Variants in CDH12 observed in about 807,000 individuals in gnomAD.
CDH12 encodes the protein cadherin 12.
In CDH12, 41 loss-of-function variants were observed where a neutral mutation model predicts 74.1. The observed-to-expected ratio is 0.55, with a 90% CI of 0.43 to 0.72. The LOEUF (loss-of-function observed/expected upper bound fraction) is 0.72. Among genes scored for constraint, CDH12 ranks in the 30% least tolerant of loss-of-function variants. The probability of loss-of-function intolerance (pLI) is 0.00; values close to 1 mark genes in which losing one functional copy is unlikely to be tolerated. For synonymous variants in CDH12, 399 were observed against 355.0 expected (o/e 1.12, Z -1.39); for missense variants, 945 against 977.2 (o/e 0.97, Z 0.44).
rs187110976 is a variant in CDH12 at position 22,792,157 on chromosome 5, C to T, written c.-523+60901G>A. Reference sequence around the variant, plus strand: ...GGGCTGGAGTGCAGTCGCATAATCTCGGCTCACTGTGACCTCCGCCTCCTG... The same window carrying T: ...GGGCTGGAGTGCAGTCGCATAATCTTGGCTCACTGTGACCTCCGCCTCCTG... On this transcript the variant is annotated intron_variant, in intron 1 of 14. Transcript: ENST00000382254. 6.8e-4 allele frequency among the ~76,000 whole-genome samples: 100 copies of T among 146,304 alleles called. 1 individual carries two copies. Among genetic ancestry groups the T allele is most frequent in the Admixed American group, 1.4e-3 (20 of 14,356 alleles).
chr5:21,806,522 C>T (rs1481389720), intron 9 of CDH12, among the ~76,000 whole-genome samples: 3 of 152,178 alleles, frequency 2.0e-5, no homozygotes, highest in Non-Finnish European at 2.9e-5. Flanking sequence ...TTTGTCCATG[C>T]TCTGGGCCAC....
chr5:21,979,388 T>C (rs537808906), intron 5 of CDH12, among the ~76,000 whole-genome samples: 1,745 of 152,226 alleles, frequency 0.011, 31 homozygotes, highest in African/African-American at 0.039. Context: ...TTTCTGGTGT[T>C]TTCCAAGTCA....
At chr5:21,832,336 A>T (rs1294313350) in intron 8 of CDH12, among the ~76,000 whole-genome samples, 1 of 152,122 alleles carries the variant, frequency 6.6e-6, no homozygotes, top group Non-Finnish European at 1.5e-5. Context: ...AATAGCCATG[A>T]CAAATTATGT....
intron 6 of CDH12, chr5:21,884,108 G>C (rs1204195311): frequency 2.0e-6 from 3 of 1,464,652 alleles, no homozygotes; most frequent in Non-Finnish European, 2.9e-6. Context: ...ATGATGCTAT[G>C]GTTGGAGATT....
chr5:21,903,025 A>G (rs889071687), intron 6 of CDH12, among the ~76,000 whole-genome samples: 13 of 152,194 alleles, frequency 8.5e-5, no homozygotes, highest in African/African-American at 3.1e-4. Context: ...TCAAAATAAT[A>G]AATGGCCAAG....
chr5:22,159,736 A>T (rs529586341), intron 4 of CDH12, among the ~76,000 whole-genome samples: 5 of 152,328 alleles, frequency 3.3e-5, no homozygotes, highest in African/African-American at 1.2e-4. Context: ...AAACTTTGTT[A>T]CAGCGTTATC....
intron 1 of CDH12, among the ~76,000 whole-genome samples, chr5:22,539,982 T>A (rs760870441): frequency 6.6e-6 from 1 of 152,212 alleles, no homozygotes; most frequent in Non-Finnish European, 1.5e-5. Context: ...TTTCTCTAGT[T>A]CTTGTAGCAT....
At chr5:22,358,703 T>C (rs1740670280) in intron 3 of CDH12, among the ~76,000 whole-genome samples, 2 of 152,180 alleles carry the variant, frequency 1.3e-5, no homozygotes, top group East Asian at 1.9e-4. Context: ...AGAAAGTTCA[T>C]GTAGAGCTTA....
At chr5:22,669,859 T>C (rs565581327) in intron 1 of CDH12, among the ~76,000 whole-genome samples, 1 of 152,204 alleles carries the variant, frequency 6.6e-6, no homozygotes, top group East Asian at 1.9e-4. Context: ...TATTTCTAAC[T>C]TTCAGTAATT....
At chr5:22,663,073 G>T (rs1188282241) in intron 1 of CDH12, among the ~76,000 whole-genome samples, 1 of 152,134 alleles carries the variant, frequency 6.6e-6, no homozygotes, top group Admixed American at 6.6e-5. Context: ...TCTAGCCAGA[G>T]AAATTATAAA....
intron 1 of CDH12, among the ~76,000 whole-genome samples, chr5:22,548,671 A>G: frequency 6.6e-6 from 1 of 152,078 alleles, no homozygotes; most frequent in Non-Finnish European, 1.5e-5. Context: ...TCTCTATAAC[A>G]TATCCGACCC....
At chr5:21,777,172 T>C (rs1745636553) in intron 11 of CDH12, among the ~76,000 whole-genome samples, 1 of 152,078 alleles carries the variant, frequency 6.6e-6, no homozygotes, top group African/African-American at 2.4e-5. Context: ...ACAAGGGAAA[T>C]TATCAAAAAA....
At chr5:21,929,738 G>A (rs984512788) in intron 6 of CDH12, among the ~76,000 whole-genome samples, 4 of 151,980 alleles carry the variant, frequency 2.6e-5, no homozygotes, top group African/African-American at 9.7e-5. Context: ...GGCTGGTCTT[G>A]AACTCCTGGA....
chr5:22,724,621 T>A (rs10061257), intron 1 of CDH12, among the ~76,000 whole-genome samples: 72,888 of 151,600 alleles, frequency 0.48, 17,626 homozygotes, highest in East Asian at 0.56. Flanking sequence ...ATTTTCTTTA[T>A]CCATTTGTTG....
At chr5:22,362,209 A>G (rs1007298606) in intron 3 of CDH12, among the ~76,000 whole-genome samples, 1 of 152,204 alleles carries the variant, frequency 6.6e-6, no homozygotes, top group Non-Finnish European at 1.5e-5. Context: ...TCCAGAATCT[A>G]CAAAGAACTC....
chr5:21,937,773 T>C (rs1755142260), intron 6 of CDH12, among the ~76,000 whole-genome samples: 1 of 152,188 alleles, frequency 6.6e-6, no homozygotes. Context: ...CAGTAAGGGC[T>C]GCAGGGCCAT....
chr5:21,847,932 G>A (rs1435654037), intron 7 of CDH12, among the ~76,000 whole-genome samples: 7 of 152,118 alleles, frequency 4.6e-5, no homozygotes, highest in African/African-American at 1.7e-4. Context: ...AGGGACTTTT[G>A]TCTTTACTTT....
intron 1 of CDH12, among the ~76,000 whole-genome samples, chr5:22,524,983 C>T (rs1353482122): frequency 6.7e-6 from 1 of 149,022 alleles, no homozygotes; most frequent in Non-Finnish European, 1.5e-5. Flanking sequence ...ACAACCGTCC[C>T]AGTGTGTGAT....
intron 1 of CDH12, among the ~76,000 whole-genome samples, chr5:22,623,385 C>G (rs555817837): frequency 8.5e-5 from 13 of 152,294 alleles, no homozygotes; most frequent in Admixed American, 2.6e-4. Flanking sequence ...TCCCTGTTTG[C>G]AGATGGTATG....
Sources: allele counts gnomAD v4.1 joint callset (sites outside exome capture counted in the v4.1 genomes callset), GRCh38; gene constraint gnomAD v4.1.1; transcripts MANE v1.5; gene names NCBI Gene and HGNC (gene_info 2026-07-23, HGNC 2026-07-21).